Variants in FNBP1 observed in about 807,000 individuals in gnomAD.
The protein encoded by FNBP1 is formin binding protein 1.
Under a neutral mutation model 90.6 loss-of-function variants are expected in FNBP1, and 26 were observed. The observed-to-expected ratio is 0.29, with a 90% CI of 0.21 to 0.40. The LOEUF (loss-of-function observed/expected upper bound fraction) is 0.40. Ranked by LOEUF, FNBP1 falls within the 10% of genes least tolerant of loss-of-function variation. The pLI, the probability that FNBP1 is intolerant of heterozygous loss-of-function variation, is 1.00. For synonymous variants in FNBP1, 260 were observed against 265.2 expected, an observed-to-expected ratio of 0.98 and a Z score of 0.19; for missense variants, 635 against 768.0, an observed-to-expected ratio of 0.83 and a Z score of 2.05.
intron 1 of FNBP1, among the ~76,000 whole-genome samples, chr9:130,038,072 C>G (rs2059482496): frequency 6.6e-6 from 1 of 152,044 alleles, no homozygotes; most frequent in African/African-American, 2.4e-5. Flanking sequence ...TACATACAGT[C>G]GGCCGGGCGC....
rs2047129475 is a variant in FNBP1, at chr9:129,957,466, TAAA to T, written c.409-5_409-3del. ...ATCGCGTTCAAATCGCCTTTTACTC[TAAA>T]ATCAGAGGAAAATAATTATGAAACC... On this transcript the variant is annotated splice_region_variant and splice_polypyrimidine_tract_variant and intron_variant, in intron 5 of 16. Coordinates refer to ENST00000446176, the MANE Select transcript of FNBP1 (RefSeq NM_015033.3). This position sits in a 1 kb window ranked among gnomAD's most constrained non-coding sequence, Gnocchi z 4.3. 6.2e-7 allele frequency: 1 copy of T among 1,605,470 alleles called. No individual in the cohort carries two copies. The highest frequency in any genetic ancestry group is 8.5e-7 in the Non-Finnish European group (1 of 1,172,522).
In FNBP1 at chr9:129,905,350, C is replaced by T. The variant is rs556270866; in HGVS notation, c.1296-2349G>A. 6.0e-5 allele frequency among the ~76,000 whole-genome samples: 9 copies of T among 149,534 alleles called. No individual in the cohort carries two copies. In the South Asian group the frequency reaches 1.5e-3, roughly 25 times the overall value. On this transcript the variant is annotated intron_variant, in intron 12 of 16. Coordinates refer to ENST00000446176, the MANE Select transcript of FNBP1 (RefSeq NM_015033.3). ...TTTTTGAGATAGGGTCTTACTCTGTCGCCTAGGCTGGAATGCAGTGGTATG... is the reference window on the plus strand; with the variant it reads ...TTTTTGAGATAGGGTCTTACTCTGTTGCCTAGGCTGGAATGCAGTGGTATG...
chr9:129,900,386 G>T lies in FNBP1; in HGVS notation c.1550+40C>A. ...TTTAGAAATAAATACAAAGCCAACA[G>T]GCTCCCTTGCCAGAGGCAGGCGCTG... On this transcript the variant is annotated intron_variant, in intron 14 of 16. Coordinates refer to ENST00000446176, the MANE Select transcript of FNBP1 (RefSeq NM_015033.3). This position sits in a 1 kb window ranked among gnomAD's most constrained non-coding sequence, Gnocchi z 4.1. 6.7e-7 allele frequency: 1 copy of T among 1,486,970 alleles called. No individual in the cohort carries two copies. Among genetic ancestry groups the T allele is most frequent in the Non-Finnish European group, 8.9e-7 (1 of 1,118,308 alleles). 92.1% of individuals were successfully genotyped at this position (1,486,970 alleles called of 1,614,324 possible).
chr9:129,967,161 T>C (rs1588947990), intron 4 of FNBP1, among the ~76,000 whole-genome samples: 2 of 152,316 alleles, frequency 1.3e-5, no homozygotes, highest in Middle Eastern at 3.4e-3. Flanking sequence ...GTCCCATTTA[T>C]TGAGAACTGG....
At chr9:129,990,576 T>C (rs1486452873) in intron 2 of FNBP1, among the ~76,000 whole-genome samples, 1 of 152,164 alleles carries the variant, frequency 6.6e-6, no homozygotes, top group Admixed American at 6.5e-5. Context: ...GGGAACCAGA[T>C]TATACAAGGT....
Position 129,892,414 on chromosome 9 carries a change from C to CACACACACACACACAA in FNBP1, c.1847-1869_1847-1868insTTGTGTGTGTGTGTGT, listed in dbSNP as rs762912634. Among the ~76,000 whole-genome samples, 153 of 125,304 alleles carry CACACACACACACACAA rather than the reference C, an allele frequency of 1.2e-3. 3 individuals carry two copies. The East Asian group carries it at 0.013, about 10-fold the overall frequency. 82.2% of individuals were successfully genotyped at this position (125,304 alleles called of 152,430 possible). ...ACACACACACACACACACACACACA[C>CACACACACACACACAA]ACAAAAAGGTTGACCGGCATTATAA... On this transcript the variant is annotated intron_variant, in intron 16 of 16. Coordinates refer to ENST00000446176, the MANE Select transcript of FNBP1 (RefSeq NM_015033.3).
At chr9:129,927,398 G>GTT in intron 7 of FNBP1, 57 bp from the exon 8 acceptor site, 1 of 1,554,312 alleles carries the variant, frequency 6.4e-7, no homozygotes, top group South Asian at 1.2e-5. Context: ...AAACAAAGTT[G>GTT]TTTTTCGGCA....
At chr9:130,032,782 A>T (rs623798) in intron 1 of FNBP1, among the ~76,000 whole-genome samples, 148,013 of 152,092 alleles carry the variant, frequency 0.97, 72,161 homozygotes, top group East Asian at 1. Flanking sequence ...AAGAAAATTA[A>T]TTCCCCCTAG....
At position 129,958,547 on chromosome 9, in the gene FNBP1, G is replaced by C; in HGVS notation, c.352C>G (p.His118Asp). Residue 118 changes from histidine to aspartate, a missense_variant, in exon 5 of 17, where the codon CAC becomes GAC. Physicochemically the swap from His to Asp is moderately conservative, Grantham distance 81. Transcript: ENST00000446176. Reference sequence around the variant, plus strand: ...TGCTGCTGTGCTTTACGGCCATCGTGAAAGTTCTGCAAAGGGGAAAACACA... The same window carrying C: ...TGCTGCTGTGCTTTACGGCCATCGTCAAAGTTCTGCAAAGGGGAAAACACA... ...ELKQERKSNF[H>D]DGRKAQQHIE... The C allele has an allele frequency of 1.3e-6, 2 of 1,593,974 alleles. No individual in the cohort carries two copies. Among genetic ancestry groups the C allele is most frequent in the Non-Finnish European group, 1.7e-6 (2 of 1,169,230 alleles).
intron 12 of FNBP1, among the ~76,000 whole-genome samples, chr9:129,907,583 GTGT>G (rs1564289645): frequency 0.01 from 34 of 3,278 alleles, no homozygotes; most frequent in African/African-American, 0.023. Context: ...GAGTGAGGGT[GTGT>G]GTGTGTGTGT....
At chr9:129,990,811 G>A (rs1209893200) in intron 2 of FNBP1, among the ~76,000 whole-genome samples, 1 of 152,154 alleles carries the variant, frequency 6.6e-6, no homozygotes, top group African/African-American at 2.4e-5. Flanking sequence ...AGCAGTGGAG[G>A]TGATAACAAG....
chr9:130,040,257 A>G (rs1327194754), intron 1 of FNBP1, among the ~76,000 whole-genome samples: 1 of 145,622 alleles, frequency 6.9e-6, no homozygotes, highest in Non-Finnish European at 1.5e-5. Context: ...TAGCACAATC[A>G]TGTGTTCATT....
chr9:129,986,276 A>G (rs1366064519), intron 2 of FNBP1, among the ~76,000 whole-genome samples: 3 of 152,172 alleles, frequency 2.0e-5, no homozygotes, highest in Admixed American at 6.6e-5. Flanking sequence ...GATTATTTAT[A>G]CTATAGACAA....
At chr9:130,033,277 C>T (rs1327591756) in intron 1 of FNBP1, among the ~76,000 whole-genome samples, 1 of 152,134 alleles carries the variant, frequency 6.6e-6, no homozygotes, top group Non-Finnish European at 1.5e-5. Context: ...CAAGGACTTG[C>T]CCGATACTAA....
At chr9:129,934,414 G>A (rs1248572046) in intron 6 of FNBP1, among the ~76,000 whole-genome samples, 3 of 152,038 alleles carry the variant, frequency 2.0e-5, no homozygotes, top group Admixed American at 6.6e-5. Flanking sequence ...TGCCTAGGCT[G>A]GGTCACAGAC....
chr9:130,037,095 AC>A (rs1383765360), intron 1 of FNBP1, among the ~76,000 whole-genome samples: 1 of 150,714 alleles, frequency 6.6e-6, no homozygotes, highest in Non-Finnish European at 1.5e-5. Context: ...GGTGGCTCAC[AC>A]CTGTAATCCC....
chr9:129,912,904 T>C (rs1190915979), intron 11 of FNBP1, among the ~76,000 whole-genome samples: 1 of 152,056 alleles, frequency 6.6e-6, no homozygotes, highest in African/African-American at 2.4e-5. Context: ...TTTTTAAAAA[T>C]TTATTTAATT....
chr9:129,913,028 C>A (rs2039607236), intron 11 of FNBP1, among the ~76,000 whole-genome samples: 1 of 151,888 alleles, frequency 6.6e-6, no homozygotes, highest in Non-Finnish European at 1.5e-5. Flanking sequence ...ACCAGCCTGG[C>A]CAACATGGTG....
chr9:130,034,694 C>T (rs2059151685), intron 1 of FNBP1, among the ~76,000 whole-genome samples: 1 of 152,160 alleles, frequency 6.6e-6, no homozygotes, highest in Admixed American at 6.5e-5. Context: ...TCATTCATGA[C>T]TGTTTCTGCT....
Sources: allele counts gnomAD v4.1 joint callset (sites outside exome capture counted in the v4.1 genomes callset), GRCh38; gene constraint gnomAD v4.1.1; non-coding constraint Gnocchi (gnomAD v3.1); transcripts MANE v1.5; gene names NCBI Gene and HGNC (gene_info 2026-07-23, HGNC 2026-07-21).